Variants in LEFTY2 observed in about 807,000 individuals in gnomAD.
LEFTY2 encodes the protein left-right determination factor 2.
A neutral mutation model predicts 26.4 loss-of-function variants in LEFTY2; 10 were observed. That is an observed-to-expected ratio of 0.38 (90% CI 0.23 to 0.64). LEFTY2 has a LOEUF of 0.64. LEFTY2 is among the 30% of genes least tolerant of loss of function. LEFTY2 has a pLI of 0.56. For missense variants in LEFTY2, 407 were observed against 502.1 expected (o/e 0.81, Z 1.81); for synonymous variants, 204 against 234.1 (o/e 0.87, Z 1.17).
rs745994230 is a variant in LEFTY2 at position 225,940,944 on chromosome 1, C to T, written c.197G>A (p.Arg66Gln). 8 of 1,613,540 alleles carry T rather than the reference C, an allele frequency of 5.0e-6. No individual in the cohort carries two copies. The highest frequency in any genetic ancestry group is 1.6e-4 in the Middle Eastern group (1 of 6,078). Reference protein sequence around the residue: ...HVRAQYVVLLRRSHGDRSRGK... With the variant: ...HVRAQYVVLLQRSHGDRSRGK... ...GCGGGAGCGGTCCCCGTGGCTGCGC[C>T]GCAGCAGGACTACATACTGGGCCCT... Residue 66 changes from arginine (R) to glutamine (Q), a missense_variant, in exon 1 of 4, where the codon CGG becomes CAG. Physicochemically the swap from Arg to Gln is conservative, Grantham distance 43 (BLOSUM62 1). Coordinates refer to ENST00000366820, the MANE Select transcript of LEFTY2 (RefSeq NM_003240.5).
Position 225,939,379 on chromosome 1 carries a change from A to C in LEFTY2, c.719T>G (p.Leu240Arg), listed in dbSNP as rs1272028369. Reference sequence around the variant, plus strand: ...CACCTACCCATAGTCCCTGAGGTCCAGGGTGTGCAGCTCCAGCTGGGGCTC... The same window carrying C: ...CACCTACCCATAGTCCCTGAGGTCCCGGGTGTGCAGCTCCAGCTGGGGCTC... Reference protein sequence around the residue: ...LGEPQLELHTLDLRDYGAQGD... With the variant: ...LGEPQLELHTRDLRDYGAQGD... Residue 240 changes from leucine (L) to arginine (R), a missense_variant, in exon 3 of 4, where the codon CTG becomes CGG. Transcript: ENST00000366820. This position sits in a 1 kb window ranked among gnomAD's most constrained non-coding sequence, Gnocchi z 4.1. 3.1e-6 allele frequency: 5 copies of C among 1,613,574 alleles called. No homozygotes were observed. Among genetic ancestry groups the C allele is most frequent in the Non-Finnish European group, 4.2e-6 (5 of 1,179,878 alleles).
At chr1:225,937,928 G>A in intron 3 of LEFTY2, 124 bp from the exon 4 acceptor site, 1 of 1,282,360 alleles carries the variant, frequency 7.8e-7, no homozygotes, top group Non-Finnish European at 1.1e-6. Flanking sequence ...TGTTCTAAAA[G>A]CTGGATATTT....
intron 1 of LEFTY2, 49 bp downstream of exon 1, chr1:225,940,842 G>T (rs556837493): frequency 2.7e-5 from 43 of 1,611,838 alleles, no homozygotes; most frequent in Non-Finnish European, 3.5e-5. Context: ...GGCACAACCG[G>T]CCTGCCCCCG....
At chr1:225,940,684 C>T (rs1672297331) in intron 1 of LEFTY2, among the ~76,000 whole-genome samples, 1 of 152,208 alleles carries the variant, frequency 6.6e-6, no homozygotes. Flanking sequence ...CCTGGTGCAC[C>T]TCCCCTGGGC....
In LEFTY2 at chr1:225,939,676, G is replaced by T; in HGVS notation, c.498-76C>A. On this transcript the variant is annotated intron_variant, in intron 2 of 3. Coordinates refer to ENST00000366820, the MANE Select transcript of LEFTY2 (RefSeq NM_003240.5). The surrounding 1 kb of genome is among the most constrained non-coding windows in gnomAD (Gnocchi z 4.1). ...GACTGGGACGGGCCCCGAGGACCCT[G>T]CACCGCCCCCTGCGTCCCCGCCCCC... 1 of 1,610,716 alleles carries T rather than the reference G, an allele frequency of 6.2e-7. No homozygotes were observed. The highest frequency in any genetic ancestry group is 8.5e-7 in the Non-Finnish European group (1 of 1,179,200).
In LEFTY2 at chr1:225,940,921, G is replaced by A. The variant is rs1414748789; in HGVS notation, c.220C>T (p.Arg74Cys). The A allele has an allele frequency of 3.7e-6, 6 of 1,613,474 alleles. No individual in the cohort carries two copies. The highest frequency in any genetic ancestry group is 2.2e-5 in the East Asian group (1 of 44,870). The change falls in exon 1 of 4, where the codon CGC (arginine) becomes TGC (cysteine). Residue 74 changes from arginine to cysteine, a missense_variant. Physicochemically the swap from Arg to Cys is radical, Grantham distance 180 (BLOSUM62 -3). Coordinates refer to ENST00000366820, the MANE Select transcript of LEFTY2 (RefSeq NM_003240.5). ...AAGCTCTGGCTGAACCTCTTTCCGC[G>A]GGAGCGGTCCCCGTGGCTGCGCCGC... ...LLRRSHGDRS[R>C]GKRFSQSFRE...
Position 225,939,629 on chromosome 1 carries a change from C to T in LEFTY2, c.498-29G>A, listed in dbSNP as rs1235048889. The T allele has an allele frequency of 4.3e-6, 7 of 1,612,268 alleles. No homozygotes were observed. The highest frequency in any genetic ancestry group is 5.9e-6 in the Non-Finnish European group (7 of 1,179,786). On this transcript the variant is annotated intron_variant, in intron 2 of 3. Transcript: ENST00000366820. This position sits in a 1 kb window ranked among gnomAD's most constrained non-coding sequence, Gnocchi z 4.1. ...AGACATGATACACACGACACGGAGA[C>T]CCAGCGCCGCTTGAGGGCGGGGACT...
chr1:225,939,429 C>T lies in LEFTY2; in HGVS notation c.669G>A (p.Ser223=). 6.2e-7 allele frequency: 1 copy of T among 1,611,306 alleles called. No homozygotes were observed. Among genetic ancestry groups the T allele is most frequent in the East Asian group, 2.2e-5 (1 of 44,792 alleles). ...SGAHKLVRFA[S]QGAPAGLGEP... is the part of the protein sequence containing the mutation. ...CCCCAAGCCCGGCTGGCGCCCCCTG[C>T]GAGGCAAAGCGGACCAGCTTGTGGG... is the stretch of plus-strand genomic sequence containing the variant. Residue 223 remains serine, a synonymous_variant, in exon 3 of 4, where the codon TCG becomes TCA. Coordinates refer to ENST00000366820, the MANE Select transcript of LEFTY2 (RefSeq NM_003240.5). This position sits in a 1 kb window ranked among gnomAD's most constrained non-coding sequence, Gnocchi z 4.1.
rs981648587 is a variant in LEFTY2, at chr1:225,937,414, A to G, written c.*27T>C. ...ACCACCTCTATGCACACGTTCAGTTAGAGGGCTCAATGGATACACCAGGCG... is the reference window on the plus strand; with the variant it reads ...ACCACCTCTATGCACACGTTCAGTTGGAGGGCTCAATGGATACACCAGGCG... On this transcript the variant is annotated 3_prime_UTR_variant, in exon 4 of 4. Coordinates refer to ENST00000366820, the MANE Select transcript of LEFTY2 (RefSeq NM_003240.5). 1.2e-6 allele frequency: 2 copies of G among 1,613,608 alleles called. No homozygotes were observed. Among genetic ancestry groups the G allele is most frequent in the Admixed American group, 1.7e-5 (1 of 60,004 alleles).
In LEFTY2 at chr1:225,939,610, G is replaced by A; in HGVS notation, c.498-10C>T. 1 of 1,612,550 alleles carries A rather than the reference G, an allele frequency of 6.2e-7. No homozygotes were observed. The highest frequency in any genetic ancestry group is 8.5e-7 in the Non-Finnish European group (1 of 1,179,810). On this transcript the variant is annotated splice_polypyrimidine_tract_variant and intron_variant, in intron 2 of 3. Transcript: ENST00000366820. The surrounding 1 kb of genome is among the most constrained non-coding windows in gnomAD (Gnocchi z 4.1). ...GTGGACGGACACCAGCCTGAGACAT[G>A]ATACACACGACACGGAGACCCAGCG...
Position 225,941,072 on chromosome 1 carries a change from GGTCAGGGCCGCCCCGGGGC to G in LEFTY2, c.50_68del (p.Gly17AlafsTer35). On this transcript the variant is annotated frameshift_variant, in exon 1 of 4. Transcript: ENST00000366820. LOFTEE classifies it high-confidence loss of function. ...GCAGGCTGCCCAGGAGCTGCTCCTC[GGTCAGGGCCGCCCCGGGGC>G]CAGCCAGGGGCAGCACCCAGAGTGC... 6.2e-7 allele frequency: 1 copy of G among 1,604,794 alleles called. No homozygotes were observed. Among genetic ancestry groups the G allele is most frequent in the Non-Finnish European group, 8.5e-7 (1 of 1,175,904 alleles).
Position 225,939,733 on chromosome 1 carries a change from C to T in LEFTY2, c.497+23G>A. The T allele has an allele frequency of 1.2e-6, 2 of 1,603,174 alleles. No individual in the cohort carries two copies. The highest frequency in any genetic ancestry group is 1.1e-5 in the South Asian group (1 of 90,594). On this transcript the variant is annotated intron_variant, in intron 2 of 3. Coordinates refer to ENST00000366820, the MANE Select transcript of LEFTY2 (RefSeq NM_003240.5). This position sits in a 1 kb window ranked among gnomAD's most constrained non-coding sequence, Gnocchi z 4.1. ...GGCCGAGCAGCCTCCTACTCCTGCC[C>T]TGCGCGCCCGCGCGACCCCCACCTG...
Position 225,936,654 on chromosome 1 carries a change from T to C in LEFTY2, c.*787A>G. ...AGTATCTACATTCAATTGCTTTAGC[T>C]AAATTAACAAAAAACATGCAAATAC... On this transcript the variant is annotated 3_prime_UTR_variant, in exon 4 of 4. Coordinates refer to ENST00000366820, the MANE Select transcript of LEFTY2 (RefSeq NM_003240.5). The C allele has an allele frequency of 6.6e-6, 1 of 152,176 alleles. No homozygotes were observed. The highest frequency in any genetic ancestry group is 1.5e-5 in the Non-Finnish European group (1 of 68,036). The allele number at this position is 152,176 out of a possible 1,614,324, so 9.4% of individuals were successfully genotyped here.
rs1037702488 is a variant in LEFTY2 at position 225,939,157 on chromosome 1, C to T, written c.737+204G>A. On this transcript the variant is annotated intron_variant, in intron 3 of 3. Coordinates refer to ENST00000366820, the MANE Select transcript of LEFTY2 (RefSeq NM_003240.5). The surrounding 1 kb of genome is among the most constrained non-coding windows in gnomAD (Gnocchi z 4.1). ...AAGTGCTAGGATTACAGGTCTGAGC[C>T]ACCACGCCTGGCCAACAATACAATT... Among the ~76,000 whole-genome samples, 1 of 152,182 alleles carries T rather than the reference C, an allele frequency of 6.6e-6. No individual in the cohort carries two copies. The highest frequency in any genetic ancestry group is 2.4e-5 in the African/African-American group (1 of 41,440).
chr1:225,939,688 G>T lies in LEFTY2; in HGVS notation c.497+68C>A. On this transcript the variant is annotated intron_variant, in intron 2 of 3. Coordinates refer to ENST00000366820, the MANE Select transcript of LEFTY2 (RefSeq NM_003240.5). The surrounding 1 kb of genome is among the most constrained non-coding windows in gnomAD (Gnocchi z 4.1). ...CCCCGAGGACCCTGCACCGCCCCCT[G>T]CGTCCCCGCCCCCAAGCCGGGCCGA... 1 of 1,609,600 alleles carries T rather than the reference G, an allele frequency of 6.2e-7. No homozygotes were observed. Among genetic ancestry groups the T allele is most frequent in the Middle Eastern group, 1.8e-4 (1 of 5,556 alleles).
chr1:225,937,910 TCTCA>T (rs1195076539), intron 3 of LEFTY2, 106 bp from the exon 4 acceptor site: 10 of 1,395,546 alleles, frequency 7.2e-6, no homozygotes, highest in Non-Finnish European at 8.6e-6. Context: ...ATGATCCAGC[TCTCA>T]CTATGTTCTA....
At position 225,940,865 on chromosome 1, in the gene LEFTY2, G is replaced by A. The variant is rs779333460; in HGVS notation, c.250+26C>T. The A allele has an allele frequency of 2.5e-6, 4 of 1,613,112 alleles. No individual in the cohort carries two copies. In the South Asian group the frequency reaches 3.3e-5, roughly 13 times the overall value. On this transcript the variant is annotated intron_variant, in intron 1 of 3. Coordinates refer to ENST00000366820, the MANE Select transcript of LEFTY2 (RefSeq NM_003240.5). ...CGGCCTGCCCCCGACCATGGGACCG[G>A]GGCCAGCAGGGAGGGAGGGTCTCAC...
At chr1:225,940,699 G>A (rs1672297579) in intron 1 of LEFTY2, among the ~76,000 whole-genome samples, 192 bp downstream of exon 1, 1 of 152,140 alleles carries the variant, frequency 6.6e-6, no homozygotes, top group Non-Finnish European at 1.5e-5. Context: ...CTGGGCTGGA[G>A]GGGGGCCTCA....
At chr1:225,940,200 G>A in intron 1 of LEFTY2, 198 bp from the exon 2 acceptor site, 1 of 894,786 alleles carries the variant, frequency 1.1e-6, no homozygotes, top group Admixed American at 2.4e-5. Context: ...GGGGCCTGTG[G>A]GACCCTGGCT....
Sources: gnomAD v4.1 joint callset for allele counts (sites outside exome capture counted in the v4.1 genomes callset) on GRCh38, gnomAD v4.1.1 for gene constraint, Gnocchi (gnomAD v3.1) non-coding constraint, MANE v1.5 for transcripts, NCBI Gene and HGNC (gene_info 2026-07-23, HGNC 2026-07-21) for gene names.